Variants in ZCWPW2 observed in about 807,000 individuals in gnomAD.
The protein encoded by ZCWPW2 is zinc finger CW-type PWWP domain protein 2.
ZCWPW2 carries 45 observed loss-of-function variants against 46.6 expected under a neutral mutation model. The observed-to-expected ratio is 0.96, with a 90% CI of 0.76 to 1.24. The LOEUF is 1.24. Ranked by LOEUF, ZCWPW2 falls within the 50% of genes most tolerant of loss-of-function variation. The probability of loss-of-function intolerance (pLI) is 0.00; values close to 1 mark genes in which losing one functional copy is unlikely to be tolerated. For synonymous variants in ZCWPW2, 152 were observed against 137.1 expected, an observed-to-expected ratio of 1.11 and a Z score of -0.76; for missense variants, 429 against 403.9, an observed-to-expected ratio of 1.06 and a Z score of -0.53.
chr3:28,357,005 GA>G (rs953470058), intron 1 of ZCWPW2, among the ~76,000 whole-genome samples: 3 of 149,918 alleles, frequency 2.0e-5, no homozygotes, highest in Non-Finnish European at 3.0e-5. Context: ...AAGTATAATT[GA>G]AAAAAAAGAA....
At chr3:28,399,307 C>T (rs1360732979) in intron 2 of ZCWPW2, among the ~76,000 whole-genome samples, 1 of 152,128 alleles carries the variant, frequency 6.6e-6, no homozygotes, top group African/African-American at 2.4e-5. Context: ...TGAGCTCAGA[C>T]ATGCCTAGCC....
chr3:28,490,589 G>T (rs946288777), intron 5 of ZCWPW2, among the ~76,000 whole-genome samples: 1 of 152,080 alleles, frequency 6.6e-6, no homozygotes, highest in African/African-American at 2.4e-5. Flanking sequence ...AGTGCTGCAT[G>T]TTGTCACTTA....
In ZCWPW2 at chr3:28,492,126, G is replaced by C. The variant is rs1465380426; in HGVS notation, c.611-1G>C. ...AGCAGCCATGTTTCATTGTCTTACA[G>C]ATAAATCCGAAACACATGACAAAGT... On this transcript the variant is annotated splice_acceptor_variant, in intron 5 of 9. Coordinates refer to ENST00000383768, the MANE Select transcript of ZCWPW2 (RefSeq NM_001040432.4). LOFTEE classifies it high-confidence loss of function. 1 of 1,609,572 alleles carries C rather than the reference G, an allele frequency of 6.2e-7. No individual in the cohort carries two copies. The highest frequency in any genetic ancestry group is 1.1e-5 in the South Asian group (1 of 90,156).
chr3:28,448,784 C>CAAAAAAAAAAAAAAAAAAAA (rs576935771), intron 4 of ZCWPW2, among the ~76,000 whole-genome samples: 2 of 65,356 alleles, frequency 3.1e-5, no homozygotes, highest in Non-Finnish European at 2.9e-5. Flanking sequence ...GACTCTGTCT[C>CAAAAAAAAAAAAAAAAAAAA]AAAAAAAAAA....
intron 1 of ZCWPW2, among the ~76,000 whole-genome samples, chr3:28,359,648 AAAC>A (rs1704866259): frequency 6.8e-6 from 1 of 147,986 alleles, no homozygotes; most frequent in Non-Finnish European, 1.5e-5. Flanking sequence ...TCCTTACAAA[AAAC>A]TGTAGAACAA....
intron 3 of ZCWPW2, among the ~76,000 whole-genome samples, chr3:28,423,566 C>T (rs1696884383): frequency 6.6e-6 from 1 of 151,784 alleles, no homozygotes; most frequent in African/African-American, 2.4e-5. Context: ...TGGGGTTTCA[C>T]CATGTTAGCC....
intron 1 of ZCWPW2, among the ~76,000 whole-genome samples, chr3:28,390,223 C>A (rs1695432308): frequency 6.6e-6 from 1 of 152,172 alleles, no homozygotes; most frequent in African/African-American, 2.4e-5. Context: ...CTTACTACTT[C>A]ATGGTGTATT....
Position 28,348,763 on chromosome 3 carries a change from A to C in ZCWPW2, c.-574A>C, listed in dbSNP as rs1223556179. Reference sequence around the variant, plus strand: ...CACAGCGAAGGGAGCTGCTCCGGGCACGTCGCGGAGGGAGTCCCATTTCTT... The same window carrying C: ...CACAGCGAAGGGAGCTGCTCCGGGCCCGTCGCGGAGGGAGTCCCATTTCTT... On this transcript the variant is annotated 5_prime_UTR_variant, in exon 1 of 10. Coordinates refer to ENST00000383768, the MANE Select transcript of ZCWPW2 (RefSeq NM_001040432.4). 1 of 172,076 alleles carries C rather than the reference A, an allele frequency of 5.8e-6. No homozygotes were observed. Among genetic ancestry groups the C allele is most frequent in the Non-Finnish European group, 1.2e-5 (1 of 85,882 alleles). 10.7% of individuals were successfully genotyped at this position (172,076 alleles called of 1,614,324 possible).
At chr3:28,374,165 G>A (rs868458561) in intron 1 of ZCWPW2, among the ~76,000 whole-genome samples, 3 of 152,124 alleles carry the variant, frequency 2.0e-5, no homozygotes, top group Middle Eastern at 3.4e-3. Context: ...TTTGATTCTT[G>A]TACATGGTGA....
At chr3:28,358,566 G>A (rs1704826426) in intron 1 of ZCWPW2, among the ~76,000 whole-genome samples, 1 of 152,082 alleles carries the variant, frequency 6.6e-6, no homozygotes, top group African/African-American at 2.4e-5. Context: ...ATTTTCAAGG[G>A]AATCTTATAT....
Position 28,421,834 on chromosome 3 carries a change from TTGTGTGTGTGTGTGTG to T in ZCWPW2, c.332+8462_332+8477del, listed in dbSNP as rs71087697. Among the ~76,000 whole-genome samples the T allele has an allele frequency of 5.2e-5, 7 of 133,838 alleles. No homozygotes were observed. The South Asian group carries it at 1.0e-3, about 20-fold the overall frequency. 87.8% of individuals were successfully genotyped at this position (133,838 alleles called of 152,430 possible). On this transcript the variant is annotated intron_variant, in intron 3 of 9. Coordinates refer to ENST00000383768, the MANE Select transcript of ZCWPW2 (RefSeq NM_001040432.4). ...TGAGAACCATATGTTGGAGAATAGT[TTGTGTGTGTGTGTGTG>T]TGTGTGTGTGTGTGTGTGTGTGTGT...
intron 1 of ZCWPW2, among the ~76,000 whole-genome samples, chr3:28,370,224 G>T (rs1180296076): frequency 2.6e-5 from 4 of 152,190 alleles, no homozygotes; most frequent in African/African-American, 9.7e-5. Flanking sequence ...TGGAAATGCA[G>T]AAATCACCCG....
chr3:28,437,446 A>C (rs2125766228), intron 4 of ZCWPW2, among the ~76,000 whole-genome samples: 1 of 152,330 alleles, frequency 6.6e-6, no homozygotes, highest in South Asian at 2.1e-4. Flanking sequence ...CATTATATGC[A>C]TTTAAATTAA....
intron 2 of ZCWPW2, among the ~76,000 whole-genome samples, chr3:28,394,035 A>G (rs1320817795): frequency 6.6e-6 from 1 of 152,146 alleles, no homozygotes; most frequent in East Asian, 1.9e-4. Context: ...AGAAAACCCT[A>G]AAGACTCCAT....
At chr3:28,392,965 A>G (rs953816293) in intron 2 of ZCWPW2, among the ~76,000 whole-genome samples, 30 of 151,986 alleles carry the variant, frequency 2.0e-4, no homozygotes, top group Admixed American at 1.8e-3. Context: ...AAAAATAGAG[A>G]TTAGAAATAT....
At chr3:28,475,988 A>G (rs1280285421) in intron 4 of ZCWPW2, among the ~76,000 whole-genome samples, 6 of 152,086 alleles carry the variant, frequency 3.9e-5, no homozygotes, top group Non-Finnish European at 7.4e-5. Flanking sequence ...GTTTTCTTCA[A>G]TGATAGATCC....
At chr3:28,469,534 A>T (rs894933881) in intron 4 of ZCWPW2, among the ~76,000 whole-genome samples, 2 of 152,146 alleles carry the variant, frequency 1.3e-5, no homozygotes, top group Non-Finnish European at 2.9e-5. Context: ...AAGATATTCC[A>T]TGCCAGTGGA....
In ZCWPW2 at chr3:28,526,272, T is replaced by C. The variant is rs1700842851; in HGVS notation, c.*1584T>C. Among the ~76,000 whole-genome samples, 1 of 152,122 alleles carries C rather than the reference T, an allele frequency of 6.6e-6. No homozygotes were observed. Among genetic ancestry groups the C allele is most frequent in the Non-Finnish European group, 1.5e-5 (1 of 68,000 alleles). On this transcript the variant is annotated 3_prime_UTR_variant, in exon 10 of 10. Coordinates refer to ENST00000383768, the MANE Select transcript of ZCWPW2 (RefSeq NM_001040432.4). ...GTAACTATACATTTGAAATGATCAG[T>C]TTTCTTTCTGTTATATCATTTAATC...
intron 1 of ZCWPW2, among the ~76,000 whole-genome samples, chr3:28,350,192 G>T (rs1018987872): frequency 6.6e-6 from 1 of 152,142 alleles, no homozygotes; most frequent in East Asian, 1.9e-4. Flanking sequence ...CAACCATTAG[G>T]TGTATGTTTT....
Sources: gnomAD v4.1 joint callset for allele counts (sites outside exome capture counted in the v4.1 genomes callset) on GRCh38, gnomAD v4.1.1 for gene constraint, MANE v1.5 for transcripts, NCBI Gene and HGNC (gene_info 2026-07-23, HGNC 2026-07-21) for gene names.